PEAK1: variants seen among roughly 807,000 people sequenced by gnomAD.
PEAK1 encodes pseudopodium enriched atypical kinase 1.
A neutral mutation model predicts 124.7 loss-of-function variants in PEAK1; 54 were observed. The ratio of observed to expected loss-of-function variants is 0.43; its 90% CI spans 0.35 to 0.54. PEAK1 has a LOEUF of 0.54. Among genes scored for constraint, PEAK1 ranks in the 20% least tolerant of loss-of-function variants. The pLI is 0.01. For missense variants in PEAK1, 2,046 were observed against 2,134.5 expected (o/e 0.96, Z 0.82); for synonymous variants, 719 against 760.0 (o/e 0.95, Z 0.89).
chr15:77,396,874 A>C (rs1169720948), intron 1 of PEAK1, among the ~76,000 whole-genome samples: 1 of 152,166 alleles, frequency 6.6e-6, no homozygotes, highest in Non-Finnish European at 1.5e-5. Flanking sequence ...AATAGTTGGA[A>C]ACTTCAGCAT....
At chr15:77,345,359 A>C (rs2066812101) in intron 2 of PEAK1, among the ~76,000 whole-genome samples, 1 of 152,212 alleles carries the variant, frequency 6.6e-6, no homozygotes, top group Non-Finnish European at 1.5e-5. Context: ...TTCATTCAAA[A>C]ACAAAACTAA....
At chr15:77,277,750 T>C (rs1280323008) in intron 5 of PEAK1, among the ~76,000 whole-genome samples, 1 of 152,052 alleles carries the variant, frequency 6.6e-6, no homozygotes, top group East Asian at 1.9e-4. Flanking sequence ...AAGAAACCAA[T>C]CTGAAAAGGC....
At chr15:77,322,996 C>T (rs577400875) in intron 2 of PEAK1, among the ~76,000 whole-genome samples, 9 of 152,228 alleles carry the variant, frequency 5.9e-5, no homozygotes, top group East Asian at 3.9e-4. Flanking sequence ...AATCAATAAA[C>T]GTAATCCAGC....
intron 5 of PEAK1, among the ~76,000 whole-genome samples, chr15:77,258,970 T>C (rs529269957): frequency 1.1e-4 from 16 of 152,320 alleles, no homozygotes; most frequent in Non-Finnish European, 1.6e-4. Flanking sequence ...CTTTTCTCCA[T>C]CTATTGAGAT....
intron 2 of PEAK1, among the ~76,000 whole-genome samples, chr15:77,291,298 T>C (rs1214833353): frequency 6.6e-6 from 1 of 152,212 alleles, no homozygotes; most frequent in African/African-American, 2.4e-5. Context: ...AATGAAAGGT[T>C]AAAAAATGCT....
chr15:77,356,180 A>G (rs1189800548), intron 2 of PEAK1, among the ~76,000 whole-genome samples: 1 of 152,234 alleles, frequency 6.6e-6, no homozygotes, highest in African/African-American at 2.4e-5. Flanking sequence ...GAATTTTTAC[A>G]GCAGAGTAGC....
chr15:77,205,057 C>A, intron 6 of PEAK1: 1 of 189,382 alleles, frequency 5.3e-6, no homozygotes, highest in South Asian at 9.6e-5. Flanking sequence ...GAGGCATGTC[C>A]AGCCTTTGAT....
At chr15:77,213,717 G>C (rs975616054) in intron 6 of PEAK1, among the ~76,000 whole-genome samples, 1 of 151,914 alleles carries the variant, frequency 6.6e-6, no homozygotes, top group East Asian at 1.9e-4. Context: ...ACAAAAAATA[G>C]GTGGCACAAA....
intron 1 of PEAK1, chr15:77,404,345 G>A: frequency 1.0e-6 from 1 of 984,710 alleles, no homozygotes. Flanking sequence ...GCTAATACTA[G>A]CCACCTGTGG....
At chr15:77,230,022 A>G (rs757451043) in intron 6 of PEAK1, among the ~76,000 whole-genome samples, 8 of 152,208 alleles carry the variant, frequency 5.3e-5, no homozygotes, top group Non-Finnish European at 1.2e-4. Context: ...GACATGGTAT[A>G]TACAAAGATT....
rs770925649 is a variant in PEAK1 at position 77,397,796 on chromosome 15, A to C, written c.-666+22210T>G. On this transcript the variant is annotated intron_variant, in intron 1 of 9. Coordinates refer to ENST00000682557, the MANE Select transcript of PEAK1 (RefSeq NM_001385026.1). ...AGATCAAGGCCAGGTGCAGTGGCTC[A>C]TGCCTGTAATCCCAGCACCTTGGGA... Among the ~76,000 whole-genome samples the C allele has an allele frequency of 3.2e-4, 49 of 152,312 alleles. 1 individual carries two copies. The highest frequency in any genetic ancestry group is 5.1e-4 in the Non-Finnish European group (35 of 68,018).
At chr15:77,228,297 A>G (rs1242099869) in intron 6 of PEAK1, among the ~76,000 whole-genome samples, 1 of 152,170 alleles carries the variant, frequency 6.6e-6, no homozygotes, top group African/African-American at 2.4e-5. Flanking sequence ...ATTTATGAAC[A>G]TGTACTTTCG....
intron 6 of PEAK1, among the ~76,000 whole-genome samples, chr15:77,198,922 G>T (rs2058232577): frequency 6.6e-6 from 1 of 152,204 alleles, no homozygotes; most frequent in South Asian, 2.1e-4. Context: ...GCCTGAGCAG[G>T]CTTTTAGTGC....
chr15:77,235,870 G>T (rs985735610), intron 6 of PEAK1, among the ~76,000 whole-genome samples: 2 of 152,214 alleles, frequency 1.3e-5, no homozygotes, highest in African/African-American at 2.4e-5. Flanking sequence ...TGGCTAAAAA[G>T]GGCCAAAGTA....
At chr15:77,366,999 T>C (rs180711883) in intron 1 of PEAK1, among the ~76,000 whole-genome samples, 1 of 152,232 alleles carries the variant, frequency 6.6e-6, no homozygotes, top group Admixed American at 6.5e-5. Context: ...CTGGGTGTGG[T>C]GGTGTGCACC....
chr15:77,177,687 C>T (rs1405813461), intron 7 of PEAK1: 1 of 152,010 alleles, frequency 6.6e-6, no homozygotes, highest in Admixed American at 6.5e-5. Flanking sequence ...GTACTCAGGG[C>T]ATATCTTTAA....
chr15:77,418,547 C>A lies in PEAK1; in HGVS notation c.-666+1459G>T, dbSNP rs1053266254. 2.4e-5 allele frequency: 24 copies of A among 985,040 alleles called. No homozygotes were observed. In the African/African-American group the frequency reaches 4.0e-4, roughly 17 times the overall value. 61.0% of individuals were successfully genotyped at this position (985,040 alleles called of 1,614,324 possible). On this transcript the variant is annotated intron_variant, in intron 1 of 9. Transcript: ENST00000682557. ...TCTGGGCTGAGGCTATAACCCTCAA[C>A]TTTGAAGCCAAGAAAATGTACCATA...
intron 5 of PEAK1, among the ~76,000 whole-genome samples, chr15:77,283,488 C>T (rs945654177): frequency 4.0e-5 from 6 of 151,796 alleles, no homozygotes; most frequent in African/African-American, 1.5e-4. Context: ...ACTGCTCATA[C>T]CCACATACTA....
chr15:77,358,690 T>C (rs925204440), intron 2 of PEAK1, among the ~76,000 whole-genome samples: 1 of 152,092 alleles, frequency 6.6e-6, no homozygotes, highest in African/African-American at 2.4e-5. Flanking sequence ...AATCACAACA[T>C]AGTGAAAAAG....
Sources: gnomAD v4.1 joint callset for allele counts (sites outside exome capture counted in the v4.1 genomes callset) on GRCh38, gnomAD v4.1.1 for gene constraint, MANE v1.5 for transcripts, NCBI Gene and HGNC (gene_info 2026-07-23, HGNC 2026-07-21) for gene names.